The following RMDN2 variants were observed in gnomAD, a reference collection of about 807,000 sequenced individuals.
RMDN2 encodes regulator of microtubule dynamics 2.
Under a neutral mutation model 52.8 loss-of-function variants are expected in RMDN2, and 61 were observed. That is an observed-to-expected ratio of 1.16 (90% CI 0.94 to 1.43). The LOEUF is 1.43. RMDN2 is among the 40% of genes most tolerant of loss of function. RMDN2 has a pLI of 0.00. For synonymous variants in RMDN2, 180 were observed against 153.1 expected, an observed-to-expected ratio of 1.18 and a Z score of -1.30; for missense variants, 592 against 475.3, an observed-to-expected ratio of 1.25 and a Z score of -2.28.
At chr2:37,928,987 A>G (rs1241827863) in intron 1 of RMDN2, 2 of 230,912 alleles carry the variant, frequency 8.7e-6, no homozygotes, top group Non-Finnish European at 1.7e-5. Context: ...CTTGATATGT[A>G]TTGCCTGGGG....
At chr2:37,981,996 G>C (rs879370995) in intron 5 of RMDN2, among the ~76,000 whole-genome samples, 12 of 151,352 alleles carry the variant, frequency 7.9e-5, no homozygotes, top group Non-Finnish European at 1.8e-4. Context: ...TTTTTCTCTT[G>C]GTTTCTTTTT....
rs969215974 is a variant in RMDN2 at position 38,039,563 on chromosome 2, C to T, written c.1714-27419C>T. Among the ~76,000 whole-genome samples, 3 of 152,174 alleles carry T rather than the reference C, an allele frequency of 2.0e-5. No individual in the cohort carries two copies. In the East Asian group the frequency reaches 5.8e-4, roughly 29 times the overall value. On this transcript the variant is annotated intron_variant, in intron 10 of 10. Coordinates refer to the RMDN2 transcript ENST00000234195. ...GCCCTGATTTTGTCATTTTTTCTGC[C>T]TTTTCACTCCTATCATTAAGTAGAA...
intron 2 of RMDN2, chr2:37,951,426 T>TGAA: frequency 6.2e-7 from 1 of 1,612,908 alleles, no homozygotes; most frequent in South Asian, 1.1e-5. Flanking sequence ...ATCAAGTCCA[T>TGAA]CTTTCTCTGA....
chr2:38,005,060 G>A (rs1410561455), intron 10 of RMDN2, among the ~76,000 whole-genome samples: 1 of 151,990 alleles, frequency 6.6e-6, no homozygotes, highest in Non-Finnish European at 1.5e-5. Flanking sequence ...AGTATTCCAT[G>A]GTGTATATGT....
At chr2:37,934,017 G>C (rs182120790) in intron 2 of RMDN2, among the ~76,000 whole-genome samples, 1 of 152,238 alleles carries the variant, frequency 6.6e-6, no homozygotes, top group East Asian at 1.9e-4. Flanking sequence ...CATTTTTAAG[G>C]TGGGATGTGC....
At chr2:38,064,302 C>T (rs1682178312) in intron 10 of RMDN2, among the ~76,000 whole-genome samples, 1 of 151,952 alleles carries the variant, frequency 6.6e-6, no homozygotes, top group Non-Finnish European at 1.5e-5. Flanking sequence ...CTAGCCTAAC[C>T]AACATGGTGA....
At chr2:38,014,517 AG>A (rs1678471490) in intron 10 of RMDN2, among the ~76,000 whole-genome samples, 1 of 152,238 alleles carries the variant, frequency 6.6e-6, no homozygotes, top group African/African-American at 2.4e-5. Context: ...GTTTGGGACT[AG>A]CTGTTCTTAA....
Position 38,055,187 on chromosome 2 carries a change from T to G in RMDN2, c.1714-11795T>G, listed in dbSNP as rs542825035. ...TTTCATAGCCGTCCCCGCTTGATGA[T>G]CCGCCTAGTTTCACTCCTTCCCTCT... On this transcript the variant is annotated intron_variant, in intron 10 of 10. Coordinates refer to the RMDN2 transcript ENST00000234195. 6.6e-5 allele frequency among the ~76,000 whole-genome samples: 10 copies of G among 152,084 alleles called. No individual in the cohort carries two copies. The South Asian group carries it at 2.1e-3, about 32-fold the overall frequency.
chr2:37,948,872 A>G (rs1417414051), intron 2 of RMDN2, among the ~76,000 whole-genome samples: 1 of 152,138 alleles, frequency 6.6e-6, no homozygotes, highest in Non-Finnish European at 1.5e-5. Flanking sequence ...AGCAGCAGTG[A>G]TTGACAGTGT....
chr2:37,990,818 A>G (rs1674688635), intron 6 of RMDN2, among the ~76,000 whole-genome samples: 1 of 152,142 alleles, frequency 6.6e-6, no homozygotes, highest in South Asian at 2.1e-4. Context: ...ATAATGCCAG[A>G]GGAATAGGTT....
At chr2:38,033,414 T>A (rs1450520640) in intron 10 of RMDN2, among the ~76,000 whole-genome samples, 1 of 152,224 alleles carries the variant, frequency 6.6e-6, no homozygotes, top group African/African-American at 2.4e-5. Context: ...AGAACATTGT[T>A]GTTGGAAGGG....
rs780645404 is a variant in RMDN2 at position 37,974,086 on chromosome 2, C to T, written c.499C>T (p.Pro167Ser). 6.2e-6 allele frequency: 10 copies of T among 1,612,454 alleles called. No individual in the cohort carries two copies. The highest frequency in any genetic ancestry group is 8.5e-6 in the Non-Finnish European group (10 of 1,179,176). Reference protein sequence around the residue: ...TDTEEQSFPVPKAFNTRVEEL... With the variant: ...TDTEEQSFPVSKAFNTRVEEL... ...CACAGAAGAACAGAGTTTTCCAGTC[C>T]CTAAGGCATTTAACACACGTGTAGA... The change falls in exon 3 of 11, where the codon CCT becomes TCT. Residue 167 changes from proline to serine, a missense_variant. By Grantham distance (74) the Pro-to-Ser change is moderately conservative. Transcript: ENST00000354545.
Position 38,035,508 on chromosome 2 carries a change from G to T in RMDN2, c.1713+31292G>T, listed in dbSNP as rs1035031960. The stretch of plus-strand genomic sequence containing the variant: ...TACTGAAGAAGTCAAGCAATGAGGG[G>T]CAACAATACCTACCAGATAAGAAAA... On this transcript the variant is annotated intron_variant, in intron 10 of 10. Transcript: ENST00000234195. Among the ~76,000 whole-genome samples the T allele has an allele frequency of 4.6e-5, 7 of 152,064 alleles. No homozygotes were observed. The East Asian group carries it at 7.7e-4, about 17-fold the overall frequency.
downstream of RMDN2, among the ~76,000 whole-genome samples, chr2:38,022,264 C>A (rs1679441274): frequency 6.6e-6 from 1 of 152,214 alleles, no homozygotes; most frequent in South Asian, 2.1e-4. Flanking sequence ...GAGTGATTTT[C>A]TTGAATGACA....
At chr2:38,012,584 A>G (rs530910926) in intron 10 of RMDN2, 1 of 468,842 alleles carries the variant, frequency 2.1e-6, no homozygotes, top group African/African-American at 2.0e-5. Context: ...TATTTCTCAC[A>G]TTGCATTTTT....
chr2:38,056,515 C>T (rs1298383312), intron 10 of RMDN2, among the ~76,000 whole-genome samples: 1 of 152,148 alleles, frequency 6.6e-6, no homozygotes, highest in Non-Finnish European at 1.5e-5. Context: ...CTTAACAATG[C>T]TTAGAGACAT....
At chr2:38,003,919 A>C in intron 8 of RMDN2, 72 bp from the exon 9 acceptor site, 1 of 1,147,694 alleles carries the variant, frequency 8.7e-7, no homozygotes, top group Non-Finnish European at 1.3e-6. Context: ...ATTTAAATAT[A>C]TTCTCTTCAC....
chr2:38,005,488 C>G, intron 10 of RMDN2, among the ~76,000 whole-genome samples: 1 of 152,140 alleles, frequency 6.6e-6, no homozygotes, highest in Non-Finnish European at 1.5e-5. Context: ...CTTTTGTCTG[C>G]ATAAATGTCT....
At chr2:37,977,804 A>G (rs368176040) in intron 4 of RMDN2, among the ~76,000 whole-genome samples, 17 of 137,808 alleles carry the variant, frequency 1.2e-4, no homozygotes, top group Non-Finnish European at 2.6e-4. Flanking sequence ...AGATGGGATG[A>G]TGGCCGGGAA....
Sources: gnomAD v4.1 joint callset for allele counts (sites outside exome capture counted in the v4.1 genomes callset) on GRCh38, gnomAD v4.1.1 for gene constraint, MANE v1.5 for transcripts, NCBI Gene and HGNC (gene_info 2026-07-23, HGNC 2026-07-21) for gene names.